The following TBC1D19 variants were observed in gnomAD, a reference collection of about 807,000 sequenced individuals.
TBC1D19 encodes TBC1 domain family, member 19.
Under a neutral mutation model 89.0 loss-of-function variants are expected in TBC1D19, and 60 were observed. The observed-to-expected ratio is 0.67, with a 90% CI of 0.55 to 0.84. TBC1D19 has a LOEUF of 0.84. TBC1D19 is among the 40% of genes least tolerant of loss of function. The pLI is 0.00. For missense variants in TBC1D19, 500 were observed against 610.8 expected (o/e 0.82, Z 1.91); for synonymous variants, 189 against 199.7 (o/e 0.95, Z 0.45).
intron 12 of TBC1D19, among the ~76,000 whole-genome samples, chr4:26,686,418 GTT>G (rs935540080): frequency 7.0e-6 from 1 of 142,482 alleles, no homozygotes; most frequent in African/African-American, 2.6e-5. Flanking sequence ...TTTGTGTTTT[GTT>G]TTTTTTTTTA....
At chr4:26,753,341 G>A (rs1340855234) in intron 19 of TBC1D19, among the ~76,000 whole-genome samples, 1 of 152,006 alleles carries the variant, frequency 6.6e-6, no homozygotes, top group Non-Finnish European at 1.5e-5. Context: ...CAGTAAGACA[G>A]TCATTAGGCC....
chr4:26,756,935 CG>C (rs1719287570), downstream of TBC1D19, among the ~76,000 whole-genome samples: 1 of 152,144 alleles, frequency 6.6e-6, no homozygotes, highest in Non-Finnish European at 1.5e-5. Flanking sequence ...TTGCTGCTTC[CG>C]CAGACCCCTC....
At chr4:26,741,456 A>T (rs766985380) in intron 17 of TBC1D19, among the ~76,000 whole-genome samples, 1 of 149,060 alleles carries the variant, frequency 6.7e-6, no homozygotes, top group African/African-American at 2.5e-5. Flanking sequence ...ATGCCATTTT[A>T]TGCTTCAGAG....
chr4:26,785,280 T>G, the TBC1D19 span, among the ~76,000 whole-genome samples: 7 of 152,226 alleles, frequency 4.6e-5, no homozygotes, highest in Non-Finnish European at 1.0e-4. Context: ...AATAGTTGCT[T>G]CTTTTTCTTT....
At chr4:26,674,427 A>G (rs192059864) in intron 11 of TBC1D19, among the ~76,000 whole-genome samples, 70 of 152,248 alleles carry the variant, frequency 4.6e-4, no homozygotes, top group Non-Finnish European at 7.5e-4. Context: ...AAGCAAAACT[A>G]TGTAAGACAT....
In TBC1D19 at chr4:26,661,522, C is replaced by T. The variant is rs565852847; in HGVS notation, c.591+1815C>T. On this transcript the variant is annotated intron_variant, in intron 8 of 20. Transcript: ENST00000264866. ...TTATTACCTCATTTCTAAATCGGAA[C>T]GACCAACCTAGAAACCCCAGACTTT... Among the ~76,000 whole-genome samples, 54 of 152,216 alleles carry T rather than the reference C, an allele frequency of 3.5e-4. No individual in the cohort carries two copies. In the South Asian group the frequency reaches 4.8e-3, roughly 13 times the overall value.
At chr4:26,646,970 C>T (rs1744014614) in intron 7 of TBC1D19, among the ~76,000 whole-genome samples, 1 of 152,068 alleles carries the variant, frequency 6.6e-6, no homozygotes, top group African/African-American at 2.4e-5. Context: ...GACTGTACAT[C>T]ACATAGCCTG....
intron 10 of TBC1D19, among the ~76,000 whole-genome samples, chr4:26,673,541 C>A (rs371020992): frequency 6.6e-6 from 1 of 150,700 alleles, no homozygotes; most frequent in South Asian, 2.1e-4. Context: ...TACATTAAGT[C>A]CCTCCTTATC....
chr4:26,852,087 C>G, the TBC1D19 span, among the ~76,000 whole-genome samples: 22 of 152,246 alleles, frequency 1.4e-4, 1 homozygote, highest in Non-Finnish European at 4.4e-5. Context: ...TTAGGCATCT[C>G]AAAGTGAACG....
downstream of TBC1D19, among the ~76,000 whole-genome samples, chr4:26,759,281 A>G (rs1719379253): frequency 6.6e-6 from 1 of 152,190 alleles, no homozygotes; most frequent in South Asian, 2.1e-4. Flanking sequence ...AGACTTTAGT[A>G]AATATTTATT....
chr4:26,605,159 C>T (rs1487647048), intron 1 of TBC1D19, among the ~76,000 whole-genome samples: 1 of 149,928 alleles, frequency 6.7e-6, no homozygotes, highest in East Asian at 2.0e-4. Flanking sequence ...CCCATTAACT[C>T]GTCATTTAGC....
intron 1 of TBC1D19, among the ~76,000 whole-genome samples, chr4:26,611,099 C>T (rs1185904760): frequency 2.0e-5 from 3 of 152,086 alleles, no homozygotes; most frequent in Non-Finnish European, 4.4e-5. Context: ...TCTACAGCCT[C>T]CCTGGCATGT....
intron 7 of TBC1D19, among the ~76,000 whole-genome samples, chr4:26,657,808 G>C (rs530276806): frequency 1.2e-4 from 18 of 152,118 alleles, no homozygotes; most frequent in Non-Finnish European, 2.5e-4. Flanking sequence ...TCTCATTGTG[G>C]TTTTGATTTG....
At chr4:26,847,549 C>G in the TBC1D19 span, among the ~76,000 whole-genome samples, 2 of 152,170 alleles carry the variant, frequency 1.3e-5, no homozygotes, top group Non-Finnish European at 2.9e-5. Flanking sequence ...CTCCAGCAGA[C>G]TGAACGGGAA....
rs199834344 is a variant in TBC1D19, at chr4:26,585,210, G to A, written c.99+918G>A. On this transcript the variant is annotated intron_variant, in intron 1 of 20. Coordinates refer to ENST00000264866, the MANE Select transcript of TBC1D19 (RefSeq NM_018317.4). ...GTAAGTGTAATGTTTCATTCTATGA[G>A]AAACTGTCACACTTTTCCAAAGTGG... 3.3e-4 allele frequency: 146 copies of A among 444,282 alleles called. No individual in the cohort carries two copies. In the East Asian group the frequency reaches 7.0e-3, roughly 21 times the overall value. 27.5% of individuals were successfully genotyped at this position (444,282 alleles called of 1,614,324 possible).
chr4:26,636,960 C>A (rs78734631), intron 4 of TBC1D19, among the ~76,000 whole-genome samples: 1 of 152,114 alleles, frequency 6.6e-6, no homozygotes, highest in South Asian at 2.1e-4. Flanking sequence ...TGTCCTCATT[C>A]CCATCCTCAA....
At chr4:26,796,853 G>A in the TBC1D19 span, among the ~76,000 whole-genome samples, 82 of 152,180 alleles carry the variant, frequency 5.4e-4, no homozygotes, top group Middle Eastern at 3.4e-3. Flanking sequence ...GATTACCTAG[G>A]CTGGAAGGTA....
the TBC1D19 span, among the ~76,000 whole-genome samples, chr4:26,847,308 G>T: frequency 1.3e-5 from 2 of 152,204 alleles, no homozygotes; most frequent in Non-Finnish European, 2.9e-5. Context: ...AGGCATGGAA[G>T]TTAAGAAGCA....
At chr4:26,787,345 A>G in the TBC1D19 span, among the ~76,000 whole-genome samples, 1 of 151,930 alleles carries the variant, frequency 6.6e-6, no homozygotes, top group African/African-American at 2.4e-5. Flanking sequence ...CGGGCAATCC[A>G]CCCACCTCAG....
Sources: gnomAD v4.1 joint callset for allele counts (sites outside exome capture counted in the v4.1 genomes callset) on GRCh38, gnomAD v4.1.1 for gene constraint, MANE v1.5 for transcripts, NCBI Gene and HGNC (gene_info 2026-07-23, HGNC 2026-07-21) for gene names.